The following IQGAP2 variants were observed in gnomAD, a reference collection of about 807,000 sequenced individuals.
IQGAP2 encodes ras GTPase-activating-like protein IQGAP2.
A neutral mutation model predicts 201.3 loss-of-function variants in IQGAP2; 173 were observed. The ratio of observed to expected loss-of-function variants is 0.86; its 90% CI spans 0.76 to 0.98. IQGAP2 has a LOEUF of 0.98. IQGAP2 is among the 50% of genes least tolerant of loss of function. The pLI, the probability that IQGAP2 is intolerant of heterozygous loss-of-function variation, is 0.00. For synonymous variants in IQGAP2, 675 were observed against 673.9 expected (o/e 1.00, Z -0.03); for missense variants, 1,687 against 1,864.8 (o/e 0.90, Z 1.76).
At chr5:76,660,941 A>G (rs1267929796) in intron 21 of IQGAP2, among the ~76,000 whole-genome samples, 1 of 152,212 alleles carries the variant, frequency 6.6e-6, no homozygotes, top group Non-Finnish European at 1.5e-5. Context: ...TTTTTAGACT[A>G]TTTTAAAGCA....
At chr5:76,643,587 G>GC (rs1026506466) in intron 17 of IQGAP2, among the ~76,000 whole-genome samples, 3 of 152,096 alleles carry the variant, frequency 2.0e-5, no homozygotes, top group Admixed American at 2.0e-4. Flanking sequence ...TGTTGGTGTG[G>GC]CACAGGAAAA....
Position 76,658,473 on chromosome 5 carries a change from C to T in IQGAP2, c.2335C>T (p.Pro779Ser). ...TGTCACTGCAGTTGGCTCTGAAAAC[C>T]CACCATTAACAGTAATTCGCAAATT... ...DYKTLVGSEN[P>S]PLTVIRKFVY... Residue 779 changes from proline to serine, a missense_variant, in exon 21 of 36, where the codon CCA becomes TCA. By Grantham distance (74) the Pro-to-Ser change is moderately conservative. Transcript: ENST00000274364. 1.2e-6 allele frequency: 2 copies of T among 1,613,552 alleles called. No individual in the cohort carries two copies. The highest frequency in any genetic ancestry group is 1.7e-6 in the Non-Finnish European group (2 of 1,179,706).
chr5:76,601,943 G>A (rs1009248567), intron 11 of IQGAP2, among the ~76,000 whole-genome samples: 1 of 152,174 alleles, frequency 6.6e-6, no homozygotes, highest in Non-Finnish European at 1.5e-5. Flanking sequence ...ACTCCTTAGA[G>A]TGTGTTTCCA....
chr5:76,634,907 TAACA>T (rs57682967), intron 15 of IQGAP2, among the ~76,000 whole-genome samples: 86,684 of 151,850 alleles, frequency 0.57, 24,809 homozygotes, highest in South Asian at 0.62. Flanking sequence ...TTTTTCTAAG[TAACA>T]AACCAACTGT....
intron 2 of IQGAP2, among the ~76,000 whole-genome samples, chr5:76,515,133 T>C (rs934604162): frequency 1.5e-4 from 23 of 152,236 alleles, no homozygotes; most frequent in African/African-American, 5.3e-4. Flanking sequence ...TTTTAACCAG[T>C]ACATTTTAAA....
At position 76,674,050 on chromosome 5, in the gene IQGAP2, G is replaced by A. The variant is rs754135215; in HGVS notation, c.3294+14G>A. The stretch of plus-strand genomic sequence containing the variant: ...GAGCTATTAAAGGTAGATTTTCAAG[G>A]GTAATCTCACCATAGCTTCTCCTGG... On this transcript the variant is annotated intron_variant, in intron 26 of 35. Transcript: ENST00000274364. The A allele has an allele frequency of 1.4e-5, 20 of 1,479,488 alleles. No individual in the cohort carries two copies. In the Admixed American group the frequency reaches 3.0e-4, roughly 22 times the overall value. The allele number at this position is 1,479,488 out of a possible 1,614,324, so 91.6% of individuals were successfully genotyped here.
intron 1 of IQGAP2, among the ~76,000 whole-genome samples, chr5:76,451,910 G>A (rs891332899): frequency 6.6e-6 from 1 of 152,140 alleles, no homozygotes; most frequent in Non-Finnish European, 1.5e-5. Context: ...GGTGATGTGT[G>A]CCTGTAATCC....
rs534199707 is a variant in IQGAP2, at chr5:76,551,715, G to A, written c.147-10681G>A. ...CAAAAAATGCAAAAACCAGTCAGGC[G>A]TGGCTGCGCGTGCCTGCAATCCCAG... On this transcript the variant is annotated intron_variant, in intron 2 of 35. Transcript: ENST00000274364. Among the ~76,000 whole-genome samples the A allele has an allele frequency of 1.1e-3, 165 of 152,140 alleles. 1 individual carries two copies. The highest frequency in any genetic ancestry group is 3.9e-3 in the African/African-American group (162 of 41,518).
At chr5:76,609,802 C>T (rs1218662368) in intron 12 of IQGAP2, among the ~76,000 whole-genome samples, 1 of 150,476 alleles carries the variant, frequency 6.6e-6, no homozygotes, top group Non-Finnish European at 1.5e-5. Flanking sequence ...GAAGCAAAAG[C>T]TCCTTGGCAG....
chr5:76,463,288 A>T (rs147880727), intron 2 of IQGAP2, among the ~76,000 whole-genome samples: 140 of 152,268 alleles, frequency 9.2e-4, no homozygotes, highest in Middle Eastern at 3.4e-3. Context: ...AAGGGGTGTC[A>T]TGTAGAGGAA....
At chr5:76,683,050 A>C in intron 28 of IQGAP2, 65 bp from the exon 29 acceptor site, 1 of 931,672 alleles carries the variant, frequency 1.1e-6, no homozygotes, top group South Asian at 1.7e-5. Context: ...GAAAAATTTC[A>C]TATAAATATG....
intron 2 of IQGAP2, among the ~76,000 whole-genome samples, chr5:76,501,622 C>G (rs1757277603): frequency 7.4e-6 from 1 of 134,610 alleles, no homozygotes; most frequent in Non-Finnish European, 1.6e-5. Context: ...AGCCCTCCTG[C>G]TGCATTTTCT....
chr5:76,518,084 G>C (rs2150190755), intron 2 of IQGAP2, among the ~76,000 whole-genome samples: 1 of 152,106 alleles, frequency 6.6e-6, no homozygotes, highest in Admixed American at 6.5e-5. Context: ...AGCCTCCCAA[G>C]TAGTTGGGAC....
At chr5:76,698,200 G>A in intron 33 of IQGAP2, 53 bp downstream of exon 33, 1 of 1,377,810 alleles carries the variant, frequency 7.3e-7, no homozygotes, top group Non-Finnish European at 1.0e-6. Flanking sequence ...TCTATGAGAT[G>A]TCAATTCTGT....
intron 13 of IQGAP2, among the ~76,000 whole-genome samples, chr5:76,613,495 C>T (rs372790096): frequency 6.6e-6 from 1 of 151,908 alleles, no homozygotes; most frequent in Non-Finnish European, 1.5e-5. Context: ...GGTGAGGGTT[C>T]AATGAGAATA....
rs370092002 is a variant in IQGAP2, at chr5:76,577,891, T to C, written c.458+2122T>C. 1.3e-4 allele frequency among the ~76,000 whole-genome samples: 20 copies of C among 152,308 alleles called. No individual in the cohort carries two copies. In the South Asian group the frequency reaches 3.3e-3, roughly 25 times the overall value. On this transcript the variant is annotated intron_variant, in intron 5 of 35. Coordinates refer to ENST00000274364, the MANE Select transcript of IQGAP2 (RefSeq NM_006633.5). ...GAGTTGTTATTACCTGGTAGAGTAA[T>C]TAGGCAGGTCAGAGATTCTGATTAT...
intron 26 of IQGAP2, among the ~76,000 whole-genome samples, chr5:76,674,253 C>T (rs1451195890): frequency 6.6e-6 from 1 of 152,020 alleles, no homozygotes; most frequent in Non-Finnish European, 1.5e-5. Context: ...ATTTTGGGGG[C>T]AATGAGCATT....
At chr5:76,555,308 A>G (rs1385094356) in intron 2 of IQGAP2, among the ~76,000 whole-genome samples, 9 of 152,084 alleles carry the variant, frequency 5.9e-5, no homozygotes, top group Non-Finnish European at 5.9e-5. Flanking sequence ...TTATATCTCA[A>G]TAAAGATGTT....
At chr5:76,598,122 T>C (rs1253845542) in intron 10 of IQGAP2, among the ~76,000 whole-genome samples, 2 of 152,018 alleles carry the variant, frequency 1.3e-5, no homozygotes, top group African/African-American at 4.8e-5. Flanking sequence ...AGCCAAACAA[T>C]GAAACAAAAT....
Sources: gnomAD v4.1 joint callset for allele counts (sites outside exome capture counted in the v4.1 genomes callset) on GRCh38, gnomAD v4.1.1 for gene constraint, MANE v1.5 for transcripts, NCBI Gene and HGNC (gene_info 2026-07-23, HGNC 2026-07-21) for gene names.